Variants in SLC2A12 observed in about 807,000 individuals in gnomAD.
The protein encoded by SLC2A12 is solute carrier family 2 member 12, also known as solute carrier family 2, facilitated glucose transporter member 12.
SLC2A12 carries 23 observed loss-of-function variants against 41.8 expected under a neutral mutation model. The ratio of observed to expected loss-of-function variants is 0.55; its 90% CI spans 0.40 to 0.78. SLC2A12 has a LOEUF of 0.78. Ranked by LOEUF, SLC2A12 falls within the 30% of genes least tolerant of loss-of-function variation. The pLI is 0.00. For missense variants in SLC2A12, 654 were observed against 745.6 expected (o/e 0.88, Z 1.43); for synonymous variants, 295 against 285.9 (o/e 1.03, Z -0.32).
At position 134,001,650 on chromosome 6, in the gene SLC2A12, G is replaced by A. The variant is rs551568888; in HGVS notation, c.1700+347C>T. On this transcript the variant is annotated intron_variant, in intron 4 of 4. Coordinates refer to ENST00000275230, the MANE Select transcript of SLC2A12 (RefSeq NM_145176.3). ...TTGATGATAATTATAAAAGGCTAAC[G>A]TTAAAAAACATTCCAATTGTAAAGA... Among the ~76,000 whole-genome samples the A allele has an allele frequency of 3.8e-3, 572 of 150,736 alleles. 4 individuals are homozygous for A. The highest frequency in any genetic ancestry group is 0.013 in the African/African-American group (536 of 41,104).
intron 1 of SLC2A12, among the ~76,000 whole-genome samples, chr6:134,040,061 T>G (rs564194202): frequency 2.6e-4 from 38 of 146,974 alleles, no homozygotes; most frequent in Middle Eastern, 3.5e-3. Context: ...GTTTTTTGTT[T>G]TTTTTTTTTT....
intron 2 of SLC2A12, among the ~76,000 whole-genome samples, chr6:134,009,862 G>A (rs1327617341): frequency 6.6e-6 from 1 of 151,942 alleles, no homozygotes; most frequent in African/African-American, 2.4e-5. Context: ...AATAAAGAGA[G>A]AATATTATTT....
Position 133,990,784 on chromosome 6 carries a change from A to G in SLC2A12, c.*371T>C, listed in dbSNP as rs73774180. ...TCCAGACCACTTGTGTGTCTGCATA[A>G]TAAAGCTGCGACTGGCCTCCATACA... On this transcript the variant is annotated 3_prime_UTR_variant, in exon 5 of 5. Coordinates refer to ENST00000275230, the MANE Select transcript of SLC2A12 (RefSeq NM_145176.3). 321 of 161,180 alleles carry G rather than the reference A, an allele frequency of 2.0e-3. No homozygotes were observed. The highest frequency in any genetic ancestry group is 7.3e-3 in the African/African-American group (307 of 41,922). The allele number at this position is 161,180 out of a possible 1,614,324, so 10.0% of individuals were successfully genotyped here.
intron 1 of SLC2A12, among the ~76,000 whole-genome samples, chr6:134,041,322 T>C (rs973649481): frequency 2.0e-5 from 3 of 151,978 alleles, no homozygotes; most frequent in African/African-American, 7.3e-5. Flanking sequence ...CCTGAAGAGA[T>C]ACAGAAAGAG....
intron 1 of SLC2A12, among the ~76,000 whole-genome samples, chr6:134,048,407 G>C (rs1461867717): frequency 6.6e-6 from 1 of 152,094 alleles, no homozygotes. Context: ...GACCAGCCTG[G>C]CCAGCATGGT....
At chr6:134,030,725 G>A (rs1777193051) in intron 1 of SLC2A12, among the ~76,000 whole-genome samples, 1 of 152,158 alleles carries the variant, frequency 6.6e-6, no homozygotes, top group Non-Finnish European at 1.5e-5. Context: ...TAACATGTGG[G>A]GCACATTGTG....
At chr6:134,043,135 C>T (rs1173484446) in intron 1 of SLC2A12, among the ~76,000 whole-genome samples, 1 of 152,054 alleles carries the variant, frequency 6.6e-6, no homozygotes, top group Non-Finnish European at 1.5e-5. Flanking sequence ...CTACAAAGAG[C>T]TTATATGAAT....
intron 2 of SLC2A12, among the ~76,000 whole-genome samples, chr6:134,016,101 T>C (rs946063552): frequency 3.3e-5 from 5 of 152,102 alleles, no homozygotes; most frequent in African/African-American, 1.2e-4. Context: ...TCATGTCTTA[T>C]GGGAAAAGGC....
At chr6:134,019,021 A>T (rs959339773) in intron 2 of SLC2A12, among the ~76,000 whole-genome samples, 3 of 152,202 alleles carry the variant, frequency 2.0e-5, no homozygotes, top group African/African-American at 7.2e-5. Flanking sequence ...TCACTTGAAT[A>T]TGTGAATACA....
chr6:133,998,216 A>T (rs1776718113), intron 4 of SLC2A12, among the ~76,000 whole-genome samples: 1 of 152,336 alleles, frequency 6.6e-6, no homozygotes, highest in Middle Eastern at 3.4e-3. Flanking sequence ...TGGGTTTTAG[A>T]TACCCACATC....
chr6:134,001,219 C>T (rs376914437), intron 4 of SLC2A12, among the ~76,000 whole-genome samples: 20 of 152,204 alleles, frequency 1.3e-4, no homozygotes, highest in South Asian at 1.2e-3. Context: ...TATACTGCTC[C>T]GGTGATGGGT....
chr6:134,013,092 A>T (rs1054171254), intron 2 of SLC2A12, among the ~76,000 whole-genome samples: 1 of 152,164 alleles, frequency 6.6e-6, no homozygotes, highest in Non-Finnish European at 1.5e-5. Context: ...TAAGCTGGAA[A>T]GTCTTTTATT....
At chr6:134,002,232 A>T in intron 3 of SLC2A12, 103 bp from the exon 4 acceptor site, 3 of 1,248,522 alleles carry the variant, frequency 2.4e-6, no homozygotes, top group Non-Finnish European at 2.2e-6. Flanking sequence ...TGTATTTTCA[A>T]ACATGCCAGC....
At chr6:134,044,753 A>ATT (rs34896875) in intron 1 of SLC2A12, among the ~76,000 whole-genome samples, 4 of 147,292 alleles carry the variant, frequency 2.7e-5, no homozygotes, top group Admixed American at 6.8e-5. Context: ...TCTTAGATAC[A>ATT]TTTTTTTTTA....
chr6:134,044,949 C>T (rs1777436977), intron 1 of SLC2A12, among the ~76,000 whole-genome samples: 1 of 152,174 alleles, frequency 6.6e-6, no homozygotes, highest in African/African-American at 2.4e-5. Flanking sequence ...AATCAGCCTT[C>T]ATGGTTGCTG....
At chr6:134,017,808 C>T (rs1232199600) in intron 2 of SLC2A12, among the ~76,000 whole-genome samples, 1 of 151,140 alleles carries the variant, frequency 6.6e-6, no homozygotes, top group Non-Finnish European at 1.5e-5. Flanking sequence ...GAGCCGAGAT[C>T]GCGCCACTGC....
At position 134,022,579 on chromosome 6, in the gene SLC2A12, A is replaced by G. The variant is rs550288784; in HGVS notation, c.1444+5802T>C. Among the ~76,000 whole-genome samples, 4 of 98,622 alleles carry G rather than the reference A, an allele frequency of 4.1e-5. No homozygotes were observed. The South Asian group carries it at 1.3e-3, about 33-fold the overall frequency. 64.7% of individuals were successfully genotyped at this position (98,622 alleles called of 152,430 possible). A position where few individuals can be genotyped will look rare whatever the true frequency, so the allele number is the denominator to read the frequency against. ...AAAAGAAAAGAAAAGAAAAGAAAAG[A>G]AAAGAAAAGAAAAGAAAAATGTTGC... On this transcript the variant is annotated intron_variant, in intron 2 of 4. Coordinates refer to ENST00000275230, the MANE Select transcript of SLC2A12 (RefSeq NM_145176.3).
rs752288287 is a variant in SLC2A12 at position 134,029,682 on chromosome 6, G to A, written c.143C>T (p.Ala48Val). 1.2e-5 allele frequency: 19 copies of A among 1,608,914 alleles called. No homozygotes were observed. The Admixed American group carries it at 1.8e-4, about 16-fold the overall frequency. ...ATAACCCACCAGGAGGCCACTGACA[G>A]CAGCAGTGACAGATGACAGGAAGGT... is the stretch of plus-strand genomic sequence containing the variant. ...MFTFLSSVTA[A>V]VSGLLVGYEL... Residue 48 changes from alanine (A) to valine (V), a missense_variant, in exon 2 of 5, where the codon GCT (alanine) becomes GTT (valine). This residue lies in a region of SLC2A12 where 109 missense variants were observed against 153.0 expected (regional missense o/e 0.71). Transcript: ENST00000275230.
intron 2 of SLC2A12, among the ~76,000 whole-genome samples, chr6:134,010,294 C>T (rs942693069): frequency 1.3e-5 from 2 of 152,260 alleles, no homozygotes; most frequent in African/African-American, 4.8e-5. Context: ...TTCACTACCA[C>T]AGCAAAAAAG....
Sources: allele counts gnomAD v4.1 joint callset (sites outside exome capture counted in the v4.1 genomes callset), GRCh38; gene constraint gnomAD v4.1.1; regional missense constraint gnomAD v4.1.1; transcripts MANE v1.5; gene names NCBI Gene and HGNC (gene_info 2026-07-23, HGNC 2026-07-21).